Variants in HIPK2 observed in about 807,000 individuals in gnomAD.
The protein encoded by HIPK2 is homeodomain-interacting protein kinase 2.
A neutral mutation model predicts 113.7 loss-of-function variants in HIPK2; 27 were observed. That is an observed-to-expected ratio of 0.24 (90% CI 0.17 to 0.33). The LOEUF (loss-of-function observed/expected upper bound fraction) is 0.33, where lower values mean the gene tolerates loss of function less well. Ranked by LOEUF, HIPK2 falls within the 10% of genes least tolerant of loss-of-function variation. The pLI is 1.00. For missense variants in HIPK2, 1,257 were observed against 1,588.0 expected, an observed-to-expected ratio of 0.79 and a Z score of 3.54; for synonymous variants, 631 against 642.2, an observed-to-expected ratio of 0.98 and a Z score of 0.26.
At chr7:139,733,008 C>T (rs1391721479) in intron 1 of HIPK2, among the ~76,000 whole-genome samples, 8 of 151,772 alleles carry the variant, frequency 5.3e-5, no homozygotes, top group African/African-American at 1.5e-4. Flanking sequence ...GTCCTTGCAA[C>T]GGGAGTGAGT....
At position 139,605,250 on chromosome 7, in the gene HIPK2, G is replaced by T. The variant is rs540128973; in HGVS notation, c.2113-1027C>A. Among the ~76,000 whole-genome samples the T allele has an allele frequency of 3.9e-5, 6 of 152,140 alleles. No individual in the cohort carries two copies. In the East Asian group the frequency reaches 5.8e-4, roughly 15 times the overall value. On this transcript the variant is annotated intron_variant, in intron 9 of 14. Transcript: ENST00000406875. ...TAGATTCACTGGTGTGTGTGTGTGTGTGTGTGTGTGTGTATGTTGTGTTTT... is the reference window on the plus strand; with the variant it reads ...TAGATTCACTGGTGTGTGTGTGTGTTTGTGTGTGTGTGTATGTTGTGTTTT...
rs1798749872 is a variant in HIPK2 at position 139,583,872 on chromosome 7, T to G, written c.2910A>C (p.Pro970=). The G allele has an allele frequency of 6.2e-7, 1 of 1,613,136 alleles. No homozygotes were observed. The highest frequency in any genetic ancestry group is 1.7e-5 in the Admixed American group (1 of 59,840). The part of the protein sequence containing the change: ...CTGNPRTIIV[P]PLKTQASEVL... ...CTTCGCTGGCCTGGGTTTTCAGGGG[T>G]GGCACGATGATGGTTCGGGGGTTCC... is the stretch of plus-strand genomic sequence containing the variant. Residue 970 remains proline (P), a synonymous_variant, in exon 13 of 15, where the codon CCA becomes CCC. Coordinates refer to ENST00000406875, the MANE Select transcript of HIPK2 (RefSeq NM_022740.5).
rs1378641512 is a variant in HIPK2, at chr7:139,570,414, C to G, written c.*2513G>C. Reference sequence around the variant, plus strand: ...CAGATAAAGACAGTATTGATAATGGCCCGAGGGAAGGGAATCTCCTTGCTG... The same window carrying G: ...CAGATAAAGACAGTATTGATAATGGGCCGAGGGAAGGGAATCTCCTTGCTG... On this transcript the variant is annotated 3_prime_UTR_variant, in exon 15 of 15. Coordinates refer to ENST00000406875, the MANE Select transcript of HIPK2 (RefSeq NM_022740.5). 1 of 152,244 alleles carries G rather than the reference C, an allele frequency of 6.6e-6. No individual in the cohort carries two copies. Among genetic ancestry groups the G allele is most frequent in the Non-Finnish European group, 1.5e-5 (1 of 68,088 alleles). The allele number at this position is 152,244 out of a possible 1,614,324, so 9.4% of individuals were successfully genotyped here. A position where few individuals can be genotyped will look rare whatever the true frequency, so the allele number is the denominator to read the frequency against.
intron 2 of HIPK2, among the ~76,000 whole-genome samples, chr7:139,708,357 A>G (rs1794967063): frequency 6.6e-6 from 1 of 151,592 alleles, no homozygotes; most frequent in Non-Finnish European, 1.5e-5. Flanking sequence ...TAAGTAAATC[A>G]TACCTCAATA....
At chr7:139,611,716 T>A (rs1044426238) in intron 9 of HIPK2, among the ~76,000 whole-genome samples, 3 of 150,966 alleles carry the variant, frequency 2.0e-5, no homozygotes, top group African/African-American at 7.3e-5. Flanking sequence ...TAATTTTTAA[T>A]TTTTTTTTGT....
At chr7:139,767,220 T>C (rs1796567389) in intron 1 of HIPK2, among the ~76,000 whole-genome samples, 1 of 152,208 alleles carries the variant, frequency 6.6e-6, no homozygotes, top group South Asian at 2.1e-4. Context: ...CCTACTGAAT[T>C]AGAGACTCTG....
chr7:139,767,129 T>C (rs1796566134), intron 1 of HIPK2, among the ~76,000 whole-genome samples: 1 of 152,222 alleles, frequency 6.6e-6, no homozygotes, highest in Non-Finnish European at 1.5e-5. Flanking sequence ...ATTCTAAATA[T>C]TTCTGACTTT....
chr7:139,574,522 G>T (rs1798422404), intron 14 of HIPK2, among the ~76,000 whole-genome samples: 1 of 152,204 alleles, frequency 6.6e-6, no homozygotes, highest in South Asian at 2.1e-4. Flanking sequence ...CAGATGAGGG[G>T]CTCTGAACAC....
At chr7:139,752,628 A>T (rs28639478) in intron 1 of HIPK2, among the ~76,000 whole-genome samples, 4,042 of 151,974 alleles carry the variant, frequency 0.027, 160 homozygotes, top group African/African-American at 0.092. Flanking sequence ...TTTCTTTTTG[A>T]GGACACGATT....
intron 2 of HIPK2, among the ~76,000 whole-genome samples, chr7:139,638,656 C>CTTTTTTTTTTTT (rs1184555180): frequency 3.1e-5 from 4 of 130,260 alleles, no homozygotes; most frequent in African/African-American, 1.2e-4. Flanking sequence ...AAATAATTGT[C>CTTTTTTTTTTTT]TTTTTTTTTT....
intron 2 of HIPK2, among the ~76,000 whole-genome samples, chr7:139,690,763 TCCC>T: frequency 6.6e-6 from 1 of 152,286 alleles, no homozygotes; most frequent in African/African-American, 2.4e-5. Context: ...ACACGCCAGC[TCCC>T]CTTCACCTTC....
intron 1 of HIPK2, chr7:139,722,033 C>A: frequency 2.1e-6 from 1 of 473,210 alleles, no homozygotes; most frequent in Non-Finnish European, 4.2e-6. Flanking sequence ...GTCTCATAAA[C>A]AGGCTGAAGT....
chr7:139,639,125 T>C (rs1003119523), intron 2 of HIPK2, among the ~76,000 whole-genome samples: 1 of 151,984 alleles, frequency 6.6e-6, no homozygotes, highest in African/African-American at 2.4e-5. Flanking sequence ...GTAAGGGAGG[T>C]AGTTCCCCAT....
At chr7:139,598,918 T>C (rs1799320247) in intron 11 of HIPK2, among the ~76,000 whole-genome samples, 1 of 152,198 alleles carries the variant, frequency 6.6e-6, no homozygotes. Context: ...ACAAAAGCGT[T>C]CTGGAAAGCT....
chr7:139,672,529 G>T (rs1041309267), intron 2 of HIPK2, among the ~76,000 whole-genome samples: 16 of 152,098 alleles, frequency 1.1e-4, no homozygotes, highest in African/African-American at 3.9e-4. Flanking sequence ...GCAATGGCGC[G>T]ATCTCGGCTC....
chr7:139,712,998 G>A (rs1296707248), intron 2 of HIPK2, among the ~76,000 whole-genome samples: 1 of 152,216 alleles, frequency 6.6e-6, no homozygotes, highest in Non-Finnish European at 1.5e-5. Flanking sequence ...AGGCTGACAT[G>A]AGGGCCTGAA....
intron 2 of HIPK2, among the ~76,000 whole-genome samples, chr7:139,635,814 A>G (rs1188054988): frequency 6.6e-6 from 1 of 152,164 alleles, no homozygotes; most frequent in Non-Finnish European, 1.5e-5. Context: ...AGCACACCAC[A>G]TGCTCTAGCG....
intron 12 of HIPK2, among the ~76,000 whole-genome samples, chr7:139,592,933 T>C (rs1799076232): frequency 6.6e-6 from 1 of 152,192 alleles, no homozygotes; most frequent in Admixed American, 6.5e-5. Context: ...CCTGCCCTTC[T>C]TACTTTAAAA....
rs2116370904 is a variant in HIPK2, at chr7:139,563,250, A to T, written c.*9677T>A. On this transcript the variant is annotated 3_prime_UTR_variant, in exon 15 of 15. Transcript: ENST00000406875. ...TTATAACCTGAGCCAAACAATTTCA[A>T]CAATGACAATCCATTGCCCCTTCAG... is the stretch of plus-strand genomic sequence containing the variant. 6.5e-6 allele frequency: 1 copy of T among 152,792 alleles called. No individual in the cohort carries two copies. Among genetic ancestry groups the T allele is most frequent in the Non-Finnish European group, 1.5e-5 (1 of 68,030 alleles). 9.5% of individuals were successfully genotyped at this position (152,792 alleles called of 1,614,324 possible).
Sources: allele counts gnomAD v4.1 joint callset (sites outside exome capture counted in the v4.1 genomes callset), GRCh38; gene constraint gnomAD v4.1.1; transcripts MANE v1.5; gene names NCBI Gene and HGNC (gene_info 2026-07-23, HGNC 2026-07-21).